Variants in PDE7B observed in about 807,000 individuals in gnomAD.
PDE7B encodes the protein 3',5'-cyclic-AMP phosphodiesterase 7B.
PDE7B carries 29 observed loss-of-function variants against 56.2 expected under a neutral mutation model. The ratio of observed to expected loss-of-function variants is 0.52; its 90% CI spans 0.38 to 0.70. The LOEUF (loss-of-function observed/expected upper bound fraction) is 0.70. Among genes scored for constraint, PDE7B ranks in the 30% least tolerant of loss-of-function variants. The pLI, the probability that PDE7B is intolerant of heterozygous loss-of-function variation, is 0.00. For missense variants in PDE7B, 490 were observed against 565.0 expected (o/e 0.87, Z 1.35); for synonymous variants, 197 against 196.9 (o/e 1.00, Z 0.00).
chr6:136,147,252 T>G, intron 3 of PDE7B, 99 bp from the exon 4 acceptor site: 1 of 742,676 alleles, frequency 1.3e-6, no homozygotes, highest in East Asian at 2.6e-5. Flanking sequence ...GAAAGCATCT[T>G]TTAAATTTCT....
intron 11 of PDE7B, among the ~76,000 whole-genome samples, chr6:136,185,921 T>C (rs2128452198): frequency 6.6e-6 from 1 of 152,302 alleles, no homozygotes; most frequent in East Asian, 1.9e-4. Context: ...CAGATTGTTT[T>C]TTCCAACACA....
intron 3 of PDE7B, among the ~76,000 whole-genome samples, chr6:136,126,095 G>A (rs1056714338): frequency 2.0e-5 from 3 of 152,130 alleles, no homozygotes; most frequent in Admixed American, 6.5e-5. Flanking sequence ...GAAGGCCTAC[G>A]GATATGGTCT....
At chr6:136,058,881 G>A (rs1213786773) in intron 2 of PDE7B, among the ~76,000 whole-genome samples, 3 of 152,046 alleles carry the variant, frequency 2.0e-5, no homozygotes, top group Non-Finnish European at 4.4e-5. Context: ...GATTTGGGGG[G>A]AAAAAAGTGA....
At chr6:136,003,708 C>G (rs1775717438) in intron 2 of PDE7B, among the ~76,000 whole-genome samples, 1 of 152,150 alleles carries the variant, frequency 6.6e-6, no homozygotes, top group Non-Finnish European at 1.5e-5. Context: ...TGGCAATAAT[C>G]AATAGCTTAC....
chr6:136,121,374 C>A (rs1266664627), intron 3 of PDE7B, among the ~76,000 whole-genome samples: 1 of 152,210 alleles, frequency 6.6e-6, no homozygotes, highest in Non-Finnish European at 1.5e-5. Context: ...CATCTCCCAT[C>A]TTCTTTTCCC....
intron 1 of PDE7B, among the ~76,000 whole-genome samples, chr6:135,886,595 G>T (rs992178350): frequency 6.6e-6 from 1 of 151,960 alleles, no homozygotes; most frequent in Non-Finnish European, 1.5e-5. Context: ...AGCTTAGCTC[G>T]CACTTATAAG....
At chr6:136,083,881 A>G (rs1777245901) in intron 2 of PDE7B, among the ~76,000 whole-genome samples, 1 of 152,028 alleles carries the variant, frequency 6.6e-6, no homozygotes, top group Non-Finnish European at 1.5e-5. Flanking sequence ...GATACAAGAG[A>G]CATAGCTCCC....
intron 1 of PDE7B, among the ~76,000 whole-genome samples, chr6:135,857,464 G>T (rs1775057073): frequency 6.6e-6 from 1 of 151,964 alleles, no homozygotes; most frequent in African/African-American, 2.4e-5. Context: ...TTTTGTTCTG[G>T]CGTGGGGGTG....
At chr6:135,916,461 C>T (rs1167378763) in intron 1 of PDE7B, among the ~76,000 whole-genome samples, 4 of 128,014 alleles carry the variant, frequency 3.1e-5, no homozygotes, top group African/African-American at 6.0e-5. Flanking sequence ...GGTGCAATCT[C>T]GGCTCACTGC....
At position 135,925,000 on chromosome 6, in the gene PDE7B, T is replaced by G. The variant is rs866247311; in HGVS notation, c.22-22464T>G. On this transcript the variant is annotated intron_variant, in intron 1 of 12. Transcript: ENST00000308191. ...ACTGTATTTCTATATTTGGGTGTTT[T>G]TTTTTTTTTTTGTAAAATGGGGAAA... 1.7e-4 allele frequency among the ~76,000 whole-genome samples: 26 copies of G among 151,078 alleles called. No individual in the cohort carries two copies. In the East Asian group the frequency reaches 1.7e-3, roughly 10 times the overall value.
chr6:136,078,225 G>T (rs545333406), intron 2 of PDE7B, among the ~76,000 whole-genome samples: 1 of 152,176 alleles, frequency 6.6e-6, no homozygotes, highest in African/African-American at 2.4e-5. Flanking sequence ...GGACTCATTC[G>T]TCAGGAAAAA....
At chr6:135,952,301 C>T (rs1774715880) in intron 2 of PDE7B, among the ~76,000 whole-genome samples, 1 of 152,066 alleles carries the variant, frequency 6.6e-6, no homozygotes, top group African/African-American at 2.4e-5. Flanking sequence ...TTTAGAAAAG[C>T]AATCGAAAAG....
At chr6:136,181,372 G>T in intron 11 of PDE7B, 49 bp downstream of exon 11, 2 of 1,133,050 alleles carry the variant, frequency 1.8e-6, no homozygotes, top group South Asian at 1.2e-5. Context: ...TCTTCTTTTA[G>T]GCATTTATCC....
chr6:136,033,419 A>G (rs1431367130), intron 2 of PDE7B, among the ~76,000 whole-genome samples: 2 of 152,218 alleles, frequency 1.3e-5, no homozygotes, highest in African/African-American at 4.8e-5. Flanking sequence ...ACTCACACTG[A>G]AAACCAGAAT....
intron 2 of PDE7B, among the ~76,000 whole-genome samples, chr6:135,966,642 G>C (rs1775002156): frequency 1.3e-5 from 2 of 152,218 alleles, no homozygotes; most frequent in South Asian, 4.1e-4. Context: ...CCTCTCTGAT[G>C]CCCTTTTTGT....
At chr6:135,885,745 A>G (rs1270392291) in intron 1 of PDE7B, among the ~76,000 whole-genome samples, 1 of 152,222 alleles carries the variant, frequency 6.6e-6, no homozygotes, top group Non-Finnish European at 1.5e-5. Flanking sequence ...TAGAATTGTA[A>G]TGATCATATG....
At chr6:136,103,880 G>C (rs1405652091) in intron 2 of PDE7B, among the ~76,000 whole-genome samples, 5 of 152,196 alleles carry the variant, frequency 3.3e-5, no homozygotes, top group South Asian at 2.1e-4. Context: ...TCTGGTTCTT[G>C]TCACATGGCC....
At chr6:136,181,550 G>A (rs1036407618) in intron 11 of PDE7B, among the ~76,000 whole-genome samples, 1 of 152,180 alleles carries the variant, frequency 6.6e-6, no homozygotes, top group Non-Finnish European at 1.5e-5. Flanking sequence ...AGGTAGTAAT[G>A]AGGCAAAATA....
At chr6:135,953,306 A>G (rs1774734150) in intron 2 of PDE7B, among the ~76,000 whole-genome samples, 1 of 152,194 alleles carries the variant, frequency 6.6e-6, no homozygotes, top group Middle Eastern at 3.2e-3. Flanking sequence ...TCTTAAAAAA[A>G]TAATACACAA....
Sources: gnomAD v4.1 joint callset for allele counts (sites outside exome capture counted in the v4.1 genomes callset) on GRCh38, gnomAD v4.1.1 for gene constraint, MANE v1.5 for transcripts, NCBI Gene and HGNC (gene_info 2026-07-23, HGNC 2026-07-21) for gene names.